Variants in SOX30 observed in about 807,000 individuals in gnomAD.
SOX30 encodes the protein transcription factor SOX-30.
SOX30 carries 17 observed loss-of-function variants against 58.6 expected under a neutral mutation model. The ratio of observed to expected loss-of-function variants is 0.29; its 90% CI spans 0.20 to 0.44. The LOEUF is 0.44. Among genes scored for constraint, SOX30 ranks in the 20% least tolerant of loss-of-function variants. The pLI is 1.00. For synonymous variants in SOX30, 421 were observed against 400.2 expected (o/e 1.05, Z -0.62); for missense variants, 951 against 965.8 (o/e 0.98, Z 0.20).
chr5:157,631,917 C>A (rs112212604), intron 4 of SOX30, among the ~76,000 whole-genome samples: 8 of 150,736 alleles, frequency 5.3e-5, no homozygotes, highest in African/African-American at 2.0e-4. Flanking sequence ...GTGGTGCACA[C>A]CTGTAGTCCC....
chr5:157,654,643 T>C (rs1488776805), upstream of SOX30, among the ~76,000 whole-genome samples: 1 of 152,146 alleles, frequency 6.6e-6, no homozygotes, highest in African/African-American at 2.4e-5. Flanking sequence ...GCATTCTAAG[T>C]CACAGGATGA....
chr5:157,657,525 G>A (rs1759498679), intron 2 of SOX30, among the ~76,000 whole-genome samples: 1 of 152,200 alleles, frequency 6.6e-6, no homozygotes, highest in South Asian at 2.1e-4. Flanking sequence ...TACTCATGGA[G>A]AGCTGAAATG....
chr5:157,626,502 A>T lies in SOX30; in HGVS notation c.2100T>A (p.His700Gln), dbSNP rs1183765144. Residue 700 changes from histidine (H) to glutamine (Q), a missense_variant, in exon 5 of 5, where the codon CAT becomes CAA. This residue lies in a region of SOX30 where 381 missense variants were observed against 390.0 expected (regional missense o/e 0.98). Transcript: ENST00000265007. ...TTAAGTTTTCTTCCCCACTGTGGCT[A>T]TGACTGTTATAGTAAGAAGTTCCAT... is the stretch of plus-strand genomic sequence containing the variant. ...NMNGTSYYNS[H>Q]SHSGEENLNP... The T allele has an allele frequency of 6.2e-7, 1 of 1,614,218 alleles. No individual in the cohort carries two copies. Among genetic ancestry groups the T allele is most frequent in the Non-Finnish European group, 8.5e-7 (1 of 1,180,046 alleles).
At chr5:157,670,469 C>T (rs1759757771) in intron 1 of SOX30, among the ~76,000 whole-genome samples, 1 of 151,996 alleles carries the variant, frequency 6.6e-6, no homozygotes, top group Non-Finnish European at 1.5e-5. Flanking sequence ...ACAGAGTAAG[C>T]CCTCTAAAAA....
intron 2 of SOX30, among the ~76,000 whole-genome samples, chr5:157,667,515 C>T (rs1294127923): frequency 6.6e-6 from 1 of 152,138 alleles, no homozygotes; most frequent in East Asian, 1.9e-4. Flanking sequence ...GACGGAATCA[C>T]CTGCGGTCAG....
intron 4 of SOX30, among the ~76,000 whole-genome samples, chr5:157,629,393 G>T (rs761208289): frequency 3.9e-5 from 6 of 152,088 alleles, no homozygotes; most frequent in Non-Finnish European, 7.4e-5. Flanking sequence ...GCTATGTAAG[G>T]CTTGGTAGAT....
At position 157,652,279 on chromosome 5, in the gene SOX30, C is replaced by T; in HGVS notation, c.-201G>A. The T allele has an allele frequency of 8.0e-7, 1 of 1,253,084 alleles. No individual in the cohort carries two copies. The highest frequency in any genetic ancestry group is 1.0e-6 in the Non-Finnish European group (1 of 1,002,246). 77.6% of individuals were successfully genotyped at this position (1,253,084 alleles called of 1,614,324 possible). A position where few individuals can be genotyped will look rare whatever the true frequency, so the allele number is the denominator to read the frequency against. ...GGCCAATCACAGGCGGGTTTTCCGG[C>T]TCTTCCTGGTCCCTACTCTCGCCTC... On this transcript the variant is annotated 5_prime_UTR_variant, in exon 1 of 5. Coordinates refer to ENST00000265007, the MANE Select transcript of SOX30 (RefSeq NM_178424.2).
chr5:157,665,330 C>A (rs2113859840), intron 2 of SOX30, among the ~76,000 whole-genome samples: 1 of 152,276 alleles, frequency 6.6e-6, no homozygotes, highest in East Asian at 1.9e-4. Context: ...CCATCATTCG[C>A]AGCAAACTAT....
chr5:157,667,817 A>T, exon 2 of SOX30: 2 of 1,535,458 alleles, frequency 1.3e-6, no homozygotes, highest in Non-Finnish European at 1.7e-6. Context: ...TGCACAGTAG[A>T]CTTTGTTCCT....
rs556410985 is a variant in SOX30, at chr5:157,651,044, T to G, written c.967+68A>C. On this transcript the variant is annotated intron_variant, in intron 1 of 4. Coordinates refer to ENST00000265007, the MANE Select transcript of SOX30 (RefSeq NM_178424.2). The stretch of plus-strand genomic sequence containing the variant: ...ACTTTTGTAGTTTAGACTTGGGAAC[T>G]GCTGACAAAACAGCTATGGGCAACA... 13 of 1,215,444 alleles carry G rather than the reference T, an allele frequency of 1.1e-5. No individual in the cohort carries two copies. The African/African-American group carries it at 1.5e-4, about 14-fold the overall frequency. The allele number at this position is 1,215,444 out of a possible 1,614,324, so 75.3% of individuals were successfully genotyped here.
chr5:157,633,266 C>A (rs1758853565), intron 4 of SOX30, among the ~76,000 whole-genome samples: 2 of 152,042 alleles, frequency 1.3e-5, no homozygotes, highest in Admixed American at 1.3e-4. Context: ...AATTTGTTGC[C>A]AAGACTGGCC....
At position 157,648,721 on chromosome 5, in the gene SOX30, T is replaced by C; in HGVS notation, c.1143A>G (p.Glu381=). The change falls in exon 2 of 5, where the codon GAA becomes GAG. Residue 381 remains glutamate (E), a synonymous_variant. Coordinates refer to ENST00000265007, the MANE Select transcript of SOX30 (RefSeq NM_178424.2). The part of the protein sequence containing the change: ...LGLEWNKLSE[E]QKKPYYDEAQ... ...CTTCATCGTAATAGGGTTTCTTTTG[T>C]TCTTCACTAAGTTTGTTCCACTCTA... 2 of 1,613,840 alleles carry C rather than the reference T, an allele frequency of 1.2e-6. No individual in the cohort carries two copies.
chr5:157,667,845 T>C (rs1258617721), exon 2 of SOX30: 3 of 1,535,484 alleles, frequency 2.0e-6, no homozygotes, highest in South Asian at 1.2e-5. Context: ...ACAACATTTC[T>C]CCATGACCTG....
At position 157,638,107 on chromosome 5, in the gene SOX30, A is replaced by C. The variant is rs979008429; in HGVS notation, c.1880+123T>G. 8 of 974,582 alleles carry C rather than the reference A, an allele frequency of 8.2e-6. No individual in the cohort carries two copies. In the African/African-American group the frequency reaches 1.0e-4, roughly 12 times the overall value. The allele number at this position is 974,582 out of a possible 1,614,324, so 60.4% of individuals were successfully genotyped here. A position where few individuals can be genotyped will look rare whatever the true frequency, so the allele number is the denominator to read the frequency against. On this transcript the variant is annotated intron_variant, in intron 4 of 4. Transcript: ENST00000265007. The stretch of plus-strand genomic sequence containing the variant: ...TATTTATGTTAACTGCTTGGCTCCT[A>C]GTCAGCAGAATTGAAGAAGTCTGCT...
In SOX30 at chr5:157,642,335, A is replaced by C. The variant is rs550820221; in HGVS notation, c.1388-3613T>G. Among the ~76,000 whole-genome samples, 1,053 of 151,942 alleles carry C rather than the reference A, an allele frequency of 6.9e-3. 11 individuals carry two copies. The highest frequency in any genetic ancestry group is 0.023 in the African/African-American group (969 of 41,434). ...CCTCTCAAAAAAAAAAAAAAAGAAG[A>C]AGCTTGATTGAGAGCCAAATAATGG... On this transcript the variant is annotated intron_variant, in intron 3 of 4. Transcript: ENST00000265007.
At position 157,638,407 on chromosome 5, in the gene SOX30, T is replaced by C. The variant is rs1183556023; in HGVS notation, c.1703A>G (p.Tyr568Cys). 2.5e-6 allele frequency: 4 copies of C among 1,613,746 alleles called. No homozygotes were observed. The highest frequency in any genetic ancestry group is 2.2e-5 in the South Asian group (2 of 91,074). The part of the protein sequence containing the change: ...ATSTIQPPRE[Y>C]SSVSPCPRSA... ...TCTGGGACAAGGGGAAACGCTGGAATACTCCCTAGGAGGTTGGATGGTCGA... is the reference window on the plus strand; with the variant it reads ...TCTGGGACAAGGGGAAACGCTGGAACACTCCCTAGGAGGTTGGATGGTCGA... The change falls in exon 4 of 5, where the codon TAT (tyrosine) becomes TGT (cysteine). Residue 568 changes from tyrosine (Y) to cysteine (C), a missense_variant. Tyr to Cys is a radical substitution (Grantham distance 194). Around this residue, in one of 7 missense-constraint regions of SOX30, gnomAD observed 381 missense variants for 390.0 expected, o/e 0.98. Transcript: ENST00000265007.
At chr5:157,650,597 C>A (rs1759303632) in intron 1 of SOX30, among the ~76,000 whole-genome samples, 1 of 152,080 alleles carries the variant, frequency 6.6e-6, no homozygotes, top group Admixed American at 6.5e-5. Context: ...GAGGAATAAA[C>A]CCTAAAATAT....
chr5:157,659,679 C>T (rs1759541981), intron 2 of SOX30, among the ~76,000 whole-genome samples: 1 of 152,204 alleles, frequency 6.6e-6, no homozygotes, highest in South Asian at 2.1e-4. Context: ...GTCCTGACAA[C>T]ATGTCACCAA....
In SOX30 at chr5:157,651,697, C is replaced by T. The variant is rs533995632; in HGVS notation, c.382G>A (p.Val128Met). ...TTGACATGCAGCGCCAGGGGCTGCA[C>T]CGGGTGCAACTCGGGCCTGGAGGTG... The part of the protein sequence containing the change: ...GATSRPELHP[V>M]QPLALHVKAK... The change falls in exon 1 of 5, where the codon GTG (valine) becomes ATG (methionine). Residue 128 changes from valine (V) to methionine (M), a missense_variant. Physicochemically the swap from Val to Met is conservative, Grantham distance 21. Around this residue, in one of 7 missense-constraint regions of SOX30, gnomAD observed 363 missense variants for 294.5 expected, o/e 1.23. Coordinates refer to ENST00000265007, the MANE Select transcript of SOX30 (RefSeq NM_178424.2). The T allele has an allele frequency of 2.5e-6, 4 of 1,594,812 alleles. 1 individual carries two copies. Among genetic ancestry groups the T allele is most frequent in the African/African-American group, 2.7e-5 (2 of 74,532 alleles).
Sources: gnomAD v4.1 joint callset for allele counts (sites outside exome capture counted in the v4.1 genomes callset) on GRCh38, gnomAD v4.1.1 for gene constraint, gnomAD v4.1.1 regional missense constraint, MANE v1.5 for transcripts, NCBI Gene and HGNC (gene_info 2026-07-23, HGNC 2026-07-21) for gene names.